Variants in NFIB observed in about 807,000 individuals in gnomAD.
The protein encoded by NFIB is nuclear factor 1 B-type.
A neutral mutation model predicts 61.5 loss-of-function variants in NFIB; 11 were observed. The observed-to-expected ratio is 0.18, with a 90% CI of 0.11 to 0.30. NFIB has a LOEUF of 0.30. NFIB is among the 10% of genes least tolerant of loss of function. The pLI is 1.00. For missense variants in NFIB, 471 were observed against 608.9 expected, an observed-to-expected ratio of 0.77 and a Z score of 2.38; for synonymous variants, 260 against 216.5, an observed-to-expected ratio of 1.20 and a Z score of -1.76.
rs1050375962 is a variant in NFIB, at chr9:14,321,994, T to A, written c.109-14474A>T. 14 of 1,228,070 alleles carry A rather than the reference T, an allele frequency of 1.1e-5. No individual in the cohort carries two copies. In the East Asian group the frequency reaches 2.9e-4, roughly 25 times the overall value. The allele number at this position is 1,228,070 out of a possible 1,614,324, so 76.1% of individuals were successfully genotyped here. A position where few individuals can be genotyped will look rare whatever the true frequency, so the allele number is the denominator to read the frequency against. ...AGATCTTGAGTCTGTAACAGAACCC[T>A]GGGCCGCTGACTTGACGTGTCTCAG... On this transcript the variant is annotated intron_variant, in intron 1 of 8. Coordinates refer to the NFIB transcript ENST00000380934.
chr9:14,323,302 G>C (rs2060705638), intron 1 of NFIB, among the ~76,000 whole-genome samples: 1 of 152,176 alleles, frequency 6.6e-6, no homozygotes, highest in Admixed American at 6.5e-5. Flanking sequence ...GAGGAGATTG[G>C]ATAGTGAGTT....
the NFIB span, among the ~76,000 whole-genome samples, chr9:14,422,766 G>T: frequency 6.6e-6 from 1 of 152,154 alleles, no homozygotes; most frequent in Non-Finnish European, 1.5e-5. Flanking sequence ...TTCTGCGACT[G>T]AGGAAGGTGC....
chr9:14,412,200 CT>C, the NFIB span, among the ~76,000 whole-genome samples: 1 of 152,192 alleles, frequency 6.6e-6, no homozygotes, highest in African/African-American at 2.4e-5. Context: ...CAATAAAGTA[CT>C]TACATATGGT....
the NFIB span, among the ~76,000 whole-genome samples, chr9:14,444,493 G>A: frequency 6.6e-6 from 1 of 152,194 alleles, no homozygotes; most frequent in East Asian, 1.9e-4. Flanking sequence ...TTGAAACTCT[G>A]AGAATGGATG....
chr9:14,369,387 T>C (rs1459825822), intron 1 of NFIB, among the ~76,000 whole-genome samples: 1 of 152,212 alleles, frequency 6.6e-6, no homozygotes, highest in Non-Finnish European at 1.5e-5. Context: ...TTTCCATCTG[T>C]ATCATTAAAA....
At chr9:14,212,425 C>T (rs538862043) in intron 2 of NFIB, among the ~76,000 whole-genome samples, 2 of 152,130 alleles carry the variant, frequency 1.3e-5, no homozygotes, top group Non-Finnish European at 2.9e-5. Context: ...TACTAAAGTA[C>T]AGTACACCAT....
At chr9:14,498,760 C>T in the NFIB span, among the ~76,000 whole-genome samples, 1 of 120,318 alleles carries the variant, frequency 8.3e-6, no homozygotes, top group East Asian at 2.5e-4. Flanking sequence ...CGGAAACACT[C>T]ATGGCCCTCC....
chr9:14,204,717 C>A (rs2049441686), intron 2 of NFIB: 3 of 598,694 alleles, frequency 5.0e-6, no homozygotes, highest in Admixed American at 5.2e-5. Context: ...GTGGTGATTG[C>A]ATACAACATG....
At chr9:14,228,988 T>C (rs1381417797) in intron 2 of NFIB, among the ~76,000 whole-genome samples, 8 of 151,410 alleles carry the variant, frequency 5.3e-5, no homozygotes, top group Admixed American at 5.3e-4. Flanking sequence ...TTATTATATG[T>C]ACCACCTACT....
chr9:14,198,310 C>T (rs1446930520), intron 2 of NFIB, among the ~76,000 whole-genome samples: 1 of 152,040 alleles, frequency 6.6e-6, no homozygotes, highest in African/African-American at 2.4e-5. Context: ...TGGCATTCTA[C>T]GTGTCATTAA....
intron 1 of NFIB, among the ~76,000 whole-genome samples, chr9:14,360,510 G>T (rs1466077331): frequency 1.3e-5 from 2 of 151,360 alleles, no homozygotes; most frequent in African/African-American, 2.4e-5. Flanking sequence ...GAATGATTTG[G>T]GTGGAAAAAT....
chr9:14,450,901 C>A, the NFIB span, among the ~76,000 whole-genome samples: 2 of 152,192 alleles, frequency 1.3e-5, no homozygotes, highest in South Asian at 4.1e-4. Context: ...CAGTGCCAGC[C>A]GTGTGATTTA....
At chr9:14,486,058 C>G in the NFIB span, among the ~76,000 whole-genome samples, 2 of 152,088 alleles carry the variant, frequency 1.3e-5, no homozygotes, top group African/African-American at 4.8e-5. Context: ...ACATGGACCT[C>G]GGGTGTCAAT....
chr9:14,531,652 G>A, the NFIB span, among the ~76,000 whole-genome samples: 3 of 151,070 alleles, frequency 2.0e-5, no homozygotes, highest in Non-Finnish European at 2.9e-5. Context: ...CACAGCAGCC[G>A]GCCTGGGACC....
the NFIB span, among the ~76,000 whole-genome samples, chr9:14,449,125 G>T: frequency 1.3e-5 from 2 of 152,158 alleles, no homozygotes; most frequent in Non-Finnish European, 2.9e-5. Flanking sequence ...CAGGATATTT[G>T]TATATAATAC....
At chr9:14,524,542 A>G in the NFIB span, among the ~76,000 whole-genome samples, 1 of 152,236 alleles carries the variant, frequency 6.6e-6, no homozygotes, top group South Asian at 2.1e-4. Context: ...AACTTGGATC[A>G]ATGAAAAATG....
intron 1 of NFIB, among the ~76,000 whole-genome samples, chr9:14,395,274 C>G (rs2061670786): frequency 6.9e-6 from 1 of 145,062 alleles, no homozygotes; most frequent in Admixed American, 7.1e-5. Flanking sequence ...GGTTTTTAGT[C>G]TAGTCAGATA....
chr9:14,495,878 GT>G, the NFIB span, among the ~76,000 whole-genome samples: 2 of 152,106 alleles, frequency 1.3e-5, no homozygotes, highest in Non-Finnish European at 2.9e-5. Context: ...AGAAATTATG[GT>G]TTAGTGACTA....
rs187223285 is a variant in NFIB at position 14,396,023 on chromosome 9, G to C, written c.108+2501C>G. 3.5e-3 allele frequency among the ~76,000 whole-genome samples: 528 copies of C among 152,000 alleles called. 9 individuals carry two copies. The highest frequency in any genetic ancestry group is 0.032 in the Admixed American group (494 of 15,256). ...GTTGCCGGCAGTGCACTGTGCTTGC[G>C]GATATTAATTGGGCTTTCATTATGT... is the stretch of plus-strand genomic sequence containing the variant. On this transcript the variant is annotated intron_variant, in intron 1 of 8. Transcript: ENST00000380934.
Sources: allele counts gnomAD v4.1 joint callset (sites outside exome capture counted in the v4.1 genomes callset), GRCh38; gene constraint gnomAD v4.1.1; transcripts MANE v1.5; gene names NCBI Gene and HGNC (gene_info 2026-07-23, HGNC 2026-07-21).